HMCN1: variants seen among roughly 807,000 people sequenced by gnomAD.
HMCN1 encodes the protein hemicentin-1.
HMCN1 carries 321 observed loss-of-function variants against 625.9 expected under a neutral mutation model. The ratio of observed to expected loss-of-function variants is 0.51; its 90% CI spans 0.47 to 0.56. The LOEUF (loss-of-function observed/expected upper bound fraction) is 0.56. HMCN1 is among the 20% of genes least tolerant of loss of function. HMCN1 has a pLI of 0.00. For synonymous variants in HMCN1, 2,425 were observed against 2,417.6 expected, an observed-to-expected ratio of 1.00 and a Z score of -0.09; for missense variants, 6,588 against 6,887.3, an observed-to-expected ratio of 0.96 and a Z score of 1.54.
chr1:186,153,625 T>C, intron 96 of HMCN1, 125 bp from the exon 97 acceptor site: 1 of 793,962 alleles, frequency 1.3e-6, no homozygotes, highest in Non-Finnish European at 2.3e-6. Context: ...TTTACCATCA[T>C]GCATGATGTG....
rs759971497 is a variant in HMCN1 at position 186,115,269 on chromosome 1, A to G, written c.11416A>G (p.Ile3806Val). The G allele has an allele frequency of 3.1e-6, 5 of 1,613,978 alleles. No individual in the cohort carries two copies. Among genetic ancestry groups the G allele is most frequent in the South Asian group, 1.1e-5 (1 of 91,078 alleles). Residue 3806 changes from isoleucine to valine, a missense_variant, in exon 75 of 107, where the codon ATT (isoleucine) becomes GTT (valine). Around this residue, in one of 3 missense-constraint regions of HMCN1, gnomAD observed 4,628 missense variants for 4,853.1 expected, o/e 0.95. Coordinates refer to ENST00000271588, the MANE Select transcript of HMCN1 (RefSeq NM_031935.3). Reference protein sequence around the residue: ...IDLQVHVPPSIAPGPTNMTVI... With the variant: ...IDLQVHVPPSVAPGPTNMTVI... ...TGACATTGTCTTAGTTCCTCCATCT[A>G]TTGCTCCGGGTCCTACCAACATGAC...
In HMCN1 at chr1:186,178,470, C is replaced by A. The variant is rs764282915; in HGVS notation, c.15998C>A (p.Thr5333Asn). ...CCTTGTGCACATCAGTGCTCCAACACCCCCGGCAGCTTCAAGTGTATCTGT... is the reference window on the plus strand; with the variant it reads ...CCTTGTGCACATCAGTGCTCCAACAACCCCGGCAGCTTCAAGTGTATCTGT... ...PKPCAHQCSNTPGSFKCICPP... is the reference protein window; with the variant it reads ...PKPCAHQCSNNPGSFKCICPP... Residue 5333 changes from threonine (T) to asparagine (N), a missense_variant, in exon 104 of 107, where the codon ACC becomes AAC. Physicochemically the swap from Thr to Asn is moderately conservative, Grantham distance 65. Coordinates refer to ENST00000271588, the MANE Select transcript of HMCN1 (RefSeq NM_031935.3). 19 of 1,613,998 alleles carry A rather than the reference C, an allele frequency of 1.2e-5. No individual in the cohort carries two copies. The highest frequency in any genetic ancestry group is 1.7e-4 in the Middle Eastern group (1 of 6,060).
chr1:185,860,487 A>T (rs1055377803), intron 2 of HMCN1, among the ~76,000 whole-genome samples: 2 of 151,968 alleles, frequency 1.3e-5, no homozygotes, highest in Admixed American at 1.3e-4. Flanking sequence ...ACATTTATTT[A>T]TTTTTTTAAG....
chr1:185,977,426 C>A (rs1651297411), intron 15 of HMCN1, among the ~76,000 whole-genome samples: 2 of 152,038 alleles, frequency 1.3e-5, no homozygotes, highest in South Asian at 4.1e-4. Context: ...TATTATAAAG[C>A]CAACTTATTT....
chr1:186,000,203 G>A lies in HMCN1; in HGVS notation c.4033G>A (p.Gly1345Arg). 2 of 1,612,938 alleles carry A rather than the reference G, an allele frequency of 1.2e-6. No individual in the cohort carries two copies. The highest frequency in any genetic ancestry group is 3.3e-4 in the Middle Eastern group (2 of 6,058). Reference sequence around the variant, plus strand: ...CATCTGTGTGGCAGTCAATGAAGCTGGAACCACAGAAAGAAAATATAACCT... The same window carrying A: ...CATCTGTGTGGCAGTCAATGAAGCTAGAACCACAGAAAGAAAATATAACCT... ...EYICVAVNEA[G>R]TTERKYNLKV... is the part of the protein sequence containing the mutation. Residue 1345 changes from glycine (G) to arginine (R), a missense_variant, in exon 26 of 107, where the codon GGA becomes AGA. Around this residue, in one of 3 missense-constraint regions of HMCN1, gnomAD observed 4,628 missense variants for 4,853.1 expected, o/e 0.95. Transcript: ENST00000271588.
chr1:186,055,500 G>A lies in HMCN1; in HGVS notation c.6970G>A (p.Val2324Met). 6.2e-7 allele frequency: 1 copy of A among 1,612,954 alleles called. No homozygotes were observed. Among genetic ancestry groups the A allele is most frequent in the Non-Finnish European group, 8.5e-7 (1 of 1,179,322 alleles). Residue 2324 changes from valine (V) to methionine (M), a missense_variant, in exon 45 of 107, where the codon GTG becomes ATG. Coordinates refer to ENST00000271588, the MANE Select transcript of HMCN1 (RefSeq NM_031935.3). ...GGTGCAGGGTATTCCACCACCAACA[G>A]TGACCTGGATGAAAGATGGCCACCC... ...CEVQGIPPPTVTWMKDGHPLI... is the reference protein window; with the variant it reads ...CEVQGIPPPTMTWMKDGHPLI...
chr1:186,062,634 C>G, intron 48 of HMCN1, 34 bp downstream of exon 48: 1 of 1,377,442 alleles, frequency 7.3e-7, no homozygotes, highest in Non-Finnish European at 1.0e-6. Flanking sequence ...TTGGTGCTCC[C>G]CCCACTCACT....
rs907872312 is a variant in HMCN1, at chr1:186,145,512, G to A, written c.14376G>A (p.Gly4792=). The change falls in exon 92 of 107, where the codon GGG becomes GGA. Residue 4792 remains glycine (G), a synonymous_variant. Transcript: ENST00000271588. ...GTGATAACCCTCCTCCCTCCAATGG[G>A]GGAAGAGCTTGTGGGGGACCAGACT... ...RTCDNPPPSN[G]GRACGGPDSQ... The A allele has an allele frequency of 8.7e-6, 14 of 1,613,968 alleles. No individual in the cohort carries two copies. The Admixed American group carries it at 1.0e-4, about 12-fold the overall frequency.
chr1:186,174,099 G>A (rs1652409539), intron 102 of HMCN1, among the ~76,000 whole-genome samples: 1 of 152,122 alleles, frequency 6.6e-6, no homozygotes, highest in South Asian at 2.1e-4. Flanking sequence ...GGGTGTGCTG[G>A]GTTTGAACTA....
intron 1 of HMCN1, among the ~76,000 whole-genome samples, chr1:185,754,298 A>G (rs1469635618): frequency 6.6e-6 from 1 of 152,182 alleles, no homozygotes; most frequent in Admixed American, 6.5e-5. Flanking sequence ...GAACGGATAC[A>G]ATGCTTCAGT....
intron 4 of HMCN1, among the ~76,000 whole-genome samples, chr1:185,886,362 T>C (rs1571502262): frequency 6.6e-6 from 1 of 152,234 alleles, no homozygotes; most frequent in Non-Finnish European, 1.5e-5. Context: ...GTTAAGTAGA[T>C]AAATACCTAA....
In HMCN1 at chr1:186,016,153, C is replaced by T; in HGVS notation, c.5105C>T (p.Ala1702Val). 1 of 1,613,318 alleles carries T rather than the reference C, an allele frequency of 6.2e-7. No homozygotes were observed. The highest frequency in any genetic ancestry group is 1.3e-5 in the African/African-American group (1 of 74,962). Residue 1702 changes from alanine (A) to valine (V), a missense_variant, in exon 32 of 107, where the codon GCC becomes GTC. Ala to Val is a moderately conservative substitution (Grantham distance 64). Transcript: ENST00000271588. ...AGGKKLEIMS[A>V]QEIDRGQYIC... Reference sequence around the variant, plus strand: ...GGGAAGAAACTCGAAATCATGAGTGCCCAAGAAATTGATCGAGGACAGTAC... The same window carrying T: ...GGGAAGAAACTCGAAATCATGAGTGTCCAAGAAATTGATCGAGGACAGTAC...
intron 1 of HMCN1, among the ~76,000 whole-genome samples, chr1:185,775,796 GT>G (rs1656561233): frequency 6.6e-6 from 1 of 152,184 alleles, no homozygotes; most frequent in East Asian, 1.9e-4. Context: ...TGTGAGTCCT[GT>G]TTCTCTTCTG....
intron 11 of HMCN1, among the ~76,000 whole-genome samples, chr1:185,962,252 G>A (rs12088571): frequency 0.06 from 9,070 of 152,120 alleles, 657 homozygotes; most frequent in African/African-American, 0.17. Flanking sequence ...AGCTGGTGGA[G>A]GCAAGCCAGC....
chr1:185,796,678 CACAT>C (rs1300483662), intron 1 of HMCN1, among the ~76,000 whole-genome samples: 1 of 151,858 alleles, frequency 6.6e-6, no homozygotes, highest in Non-Finnish European at 1.5e-5. Context: ...ATACACTTTA[CACAT>C]ACATATGTAC....
chr1:186,175,876 C>CAAAAAAAAAAAAAAAAAAAAAAA (rs758445916), intron 103 of HMCN1, among the ~76,000 whole-genome samples: 5 of 76,144 alleles, frequency 6.6e-5, no homozygotes, highest in Non-Finnish European at 7.9e-5. Context: ...AACTATGTCT[C>CAAAAAAAAAAAAAAAAAAAAAAA]AAAAAAAAAA....
intron 68 of HMCN1, among the ~76,000 whole-genome samples, chr1:186,103,267 C>T (rs759351864): frequency 6.6e-6 from 1 of 152,120 alleles, no homozygotes; most frequent in African/African-American, 2.4e-5. Flanking sequence ...CCATTTACTT[C>T]ATTATCTCTC....
intron 35 of HMCN1, among the ~76,000 whole-genome samples, chr1:186,022,700 G>GT (rs201253010): frequency 8.6e-5 from 13 of 150,688 alleles, no homozygotes; most frequent in Non-Finnish European, 7.4e-5. Flanking sequence ...ATGTGGCCAG[G>GT]TTTTTTTTTC....
chr1:186,044,009 A>G (rs1031541305), intron 40 of HMCN1, among the ~76,000 whole-genome samples: 1 of 152,146 alleles, frequency 6.6e-6, no homozygotes, highest in African/African-American at 2.4e-5. Flanking sequence ...TGAACCTGGG[A>G]GGCAAAGTTT....
Sources: gnomAD v4.1 joint callset for allele counts (sites outside exome capture counted in the v4.1 genomes callset) on GRCh38, gnomAD v4.1.1 for gene constraint, gnomAD v4.1.1 regional missense constraint, MANE v1.5 for transcripts, NCBI Gene and HGNC (gene_info 2026-07-23, HGNC 2026-07-21) for gene names.